Variants in CCSER1 observed in about 807,000 individuals in gnomAD.
The protein encoded by CCSER1 is serine-rich coiled-coil domain-containing protein 1.
A neutral mutation model predicts 82.0 loss-of-function variants in CCSER1; 41 were observed. The ratio of observed to expected loss-of-function variants is 0.50; its 90% CI spans 0.39 to 0.65. The LOEUF (loss-of-function observed/expected upper bound fraction) is 0.65. CCSER1 is among the 30% of genes least tolerant of loss of function. The probability of loss-of-function intolerance (pLI) is 0.00; values close to 1 mark genes in which losing one functional copy is unlikely to be tolerated. For missense variants in CCSER1, 1,119 were observed against 1,064.2 expected (o/e 1.05, Z -0.72); for synonymous variants, 414 against 383.9 (o/e 1.08, Z -0.92).
intron 9 of CCSER1, among the ~76,000 whole-genome samples, chr4:91,045,019 T>G (rs1454725074): frequency 1.3e-5 from 2 of 152,188 alleles, no homozygotes; most frequent in African/African-American, 4.8e-5. Flanking sequence ...TATATTACTC[T>G]TTATTGGACA....
chr4:90,934,246 T>G (rs1312333839), intron 9 of CCSER1, among the ~76,000 whole-genome samples: 1 of 152,106 alleles, frequency 6.6e-6, no homozygotes, highest in Non-Finnish European at 1.5e-5. Flanking sequence ...AAAATTATAT[T>G]ACTATTTTTA....
chr4:90,365,005 A>G (rs575740526), intron 3 of CCSER1, among the ~76,000 whole-genome samples: 1 of 152,082 alleles, frequency 6.6e-6, no homozygotes, highest in South Asian at 2.1e-4. Flanking sequence ...GGAACTTTGA[A>G]GGCCTAAACT....
intron 9 of CCSER1, among the ~76,000 whole-genome samples, chr4:90,988,334 CAAAAAAAAAAAAA>C (rs60408059): frequency 0.019 from 1,455 of 75,450 alleles, 33 homozygotes; most frequent in African/African-American, 0.076. Flanking sequence ...TATCTTGTCT[CAAAAAAAAAAAAA>C]AAAAAAAAAA....
intron 9 of CCSER1, among the ~76,000 whole-genome samples, chr4:91,036,970 A>T (rs1471469026): frequency 6.6e-6 from 1 of 152,018 alleles, no homozygotes; most frequent in African/African-American, 2.4e-5. Context: ...CTCGCTACTC[A>T]GGAGGCTCAG....
intron 10 of CCSER1, among the ~76,000 whole-genome samples, chr4:91,188,244 C>G (rs1320960589): frequency 6.6e-6 from 1 of 152,070 alleles, no homozygotes; most frequent in Non-Finnish European, 1.5e-5. Context: ...AATTATAGGA[C>G]TTACCAATGT....
chr4:91,268,847 G>T (rs558233001), intron 10 of CCSER1, among the ~76,000 whole-genome samples: 1 of 152,266 alleles, frequency 6.6e-6, no homozygotes, highest in Admixed American at 6.5e-5. Context: ...CACAATGGTG[G>T]AATGTCATCA....
chr4:90,415,694 T>C (rs1755684935), intron 4 of CCSER1, among the ~76,000 whole-genome samples: 1 of 152,210 alleles, frequency 6.6e-6, no homozygotes, highest in Non-Finnish European at 1.5e-5. Context: ...ATACTTAATC[T>C]TTAGCTATTT....
At chr4:91,432,699 TC>T (rs1173408188) in intron 10 of CCSER1, among the ~76,000 whole-genome samples, 1 of 152,210 alleles carries the variant, frequency 6.6e-6, no homozygotes, top group Non-Finnish European at 1.5e-5. Flanking sequence ...TGTGAACTTT[TC>T]TTTTTTACTA....
In CCSER1 at chr4:91,095,113, A is replaced by G. The variant is rs558307644; in HGVS notation, c.2217+9119A>G. On this transcript the variant is annotated intron_variant, in intron 10 of 10. Coordinates refer to ENST00000509176, the MANE Select transcript of CCSER1 (RefSeq NM_001145065.2). Reference sequence around the variant, plus strand: ...TGTCCGGCACCAGTATCAACCGAAAACTTAATGTCCTTGCCCCCTATTGTC... The same window carrying G: ...TGTCCGGCACCAGTATCAACCGAAAGCTTAATGTCCTTGCCCCCTATTGTC... Among the ~76,000 whole-genome samples the G allele has an allele frequency of 5.3e-5, 8 of 152,048 alleles. No homozygotes were observed. The East Asian group carries it at 1.6e-3, about 30-fold the overall frequency.
chr4:90,509,138 A>G (rs1771126183), intron 5 of CCSER1, among the ~76,000 whole-genome samples: 1 of 152,098 alleles, frequency 6.6e-6, no homozygotes. Context: ...GTATTTTCAC[A>G]TATGTGTGTC....
intron 8 of CCSER1, among the ~76,000 whole-genome samples, chr4:90,892,185 A>G (rs990874327): frequency 6.6e-6 from 1 of 152,098 alleles, no homozygotes; most frequent in African/African-American, 2.4e-5. Flanking sequence ...ATTGCTACAC[A>G]TGGGTAGAGT....
At chr4:91,437,663 G>A (rs960613750) in intron 10 of CCSER1, among the ~76,000 whole-genome samples, 26 of 152,218 alleles carry the variant, frequency 1.7e-4, no homozygotes, top group Non-Finnish European at 3.1e-4. Context: ...TGCGCCAGCC[G>A]AAGCAGGGCG....
chr4:90,316,556 A>C (rs1185194115), intron 3 of CCSER1, among the ~76,000 whole-genome samples: 1 of 152,204 alleles, frequency 6.6e-6, no homozygotes, highest in Admixed American at 6.5e-5. Flanking sequence ...TATCCCATCA[A>C]AAAGGAACTT....
chr4:90,526,374 T>A (rs1468114335), intron 5 of CCSER1, among the ~76,000 whole-genome samples: 1 of 152,220 alleles, frequency 6.6e-6, no homozygotes, highest in Non-Finnish European at 1.5e-5. Flanking sequence ...GAGCCTCAGT[T>A]TTCTCAATTG....
chr4:90,548,410 C>A (rs1777051331), intron 5 of CCSER1, among the ~76,000 whole-genome samples: 1 of 152,020 alleles, frequency 6.6e-6, no homozygotes, highest in African/African-American at 2.4e-5. Context: ...ACACATATCC[C>A]AGCTGGCACA....
chr4:90,773,744 A>G (rs1290007622), intron 7 of CCSER1, among the ~76,000 whole-genome samples: 1 of 152,214 alleles, frequency 6.6e-6, no homozygotes, highest in East Asian at 1.9e-4. Context: ...AGAGCCCAGA[A>G]ATTGTAGTTC....
chr4:91,315,561 C>A (rs1745775796), intron 10 of CCSER1, among the ~76,000 whole-genome samples: 1 of 151,882 alleles, frequency 6.6e-6, no homozygotes, highest in South Asian at 2.1e-4. Context: ...GTTCTATGTT[C>A]TTTATTGGCA....
chr4:91,190,443 A>G (rs767524072), intron 10 of CCSER1, among the ~76,000 whole-genome samples: 6 of 152,124 alleles, frequency 3.9e-5, no homozygotes, highest in South Asian at 2.1e-4. Context: ...TATCCTTTCT[A>G]TACTGTGTCT....
chr4:91,461,666 G>C (rs981926607), intron 10 of CCSER1, among the ~76,000 whole-genome samples: 10 of 152,092 alleles, frequency 6.6e-5, no homozygotes, highest in African/African-American at 2.4e-4. Flanking sequence ...TTCAAACAAT[G>C]TAGCATACCT....
Sources: allele counts gnomAD v4.1 joint callset (sites outside exome capture counted in the v4.1 genomes callset), GRCh38; gene constraint gnomAD v4.1.1; transcripts MANE v1.5; gene names NCBI Gene and HGNC (gene_info 2026-07-23, HGNC 2026-07-21).